The following PPAT variants were observed in gnomAD, a reference collection of about 807,000 sequenced individuals.
PPAT encodes phosphoribosyl pyrophosphate amidotransferase.
PPAT carries 20 observed loss-of-function variants against 60.2 expected under a neutral mutation model. That is an observed-to-expected ratio of 0.33 (90% CI 0.23 to 0.48). The LOEUF is 0.48. Ranked by LOEUF, PPAT falls within the 20% of genes least tolerant of loss-of-function variation. The pLI is 0.99. For missense variants in PPAT, 349 were observed against 629.6 expected (o/e 0.55, Z 4.77); for synonymous variants, 194 against 215.1 (o/e 0.90, Z 0.86).
chr4:56,408,753 CAAAAAA>C (rs35367469), intron 1 of PPAT, among the ~76,000 whole-genome samples: 29 of 132,928 alleles, frequency 2.2e-4, no homozygotes, highest in East Asian at 6.5e-4. Flanking sequence ...GATTCCGTTT[CAAAAAA>C]AAAAAAAAAA....
At chr4:56,407,161 G>A (rs1274222024) in intron 2 of PPAT, among the ~76,000 whole-genome samples, 6 of 152,062 alleles carry the variant, frequency 3.9e-5, no homozygotes, top group African/African-American at 1.2e-4. Context: ...GTATAACTGG[G>A]GAAGAAATAC....
chr4:56,417,842 G>GTTTTTTTT (rs35004501), intron 1 of PPAT, among the ~76,000 whole-genome samples: 2 of 136,166 alleles, frequency 1.5e-5, no homozygotes, highest in Admixed American at 7.2e-5. Flanking sequence ...TTGGTTTTTT[G>GTTTTTTTT]TTTTTTTTTT....
chr4:56,426,714 T>C (rs777132858), intron 1 of PPAT, among the ~76,000 whole-genome samples: 8 of 152,252 alleles, frequency 5.3e-5, no homozygotes, highest in Non-Finnish European at 1.0e-4. Flanking sequence ...CTGGCTCCTA[T>C]GAATACTGTT....
chr4:56,402,820 C>CA (rs556899549), intron 5 of PPAT, among the ~76,000 whole-genome samples: 2,475 of 43,478 alleles, frequency 0.057, 127 homozygotes, highest in Non-Finnish European at 0.062. Flanking sequence ...ACTCGGTCTC[C>CA]AAAAAAAAAA....
At chr4:56,401,197 T>C (rs964566544) in intron 7 of PPAT, 133 bp downstream of exon 7, 2 of 899,928 alleles carry the variant, frequency 2.2e-6, no homozygotes, top group Admixed American at 6.2e-5. Flanking sequence ...ACTTGTGGGC[T>C]CAGTCCTATA....
chr4:56,414,194 T>C (rs770129517), intron 1 of PPAT: 8 of 152,240 alleles, frequency 5.3e-5, no homozygotes, highest in Non-Finnish European at 1.2e-4. Context: ...TGATTCATTA[T>C]GTAATGTTTT....
chr4:56,434,751 G>A (rs944187378), intron 1 of PPAT, among the ~76,000 whole-genome samples: 10 of 152,044 alleles, frequency 6.6e-5, no homozygotes, highest in African/African-American at 2.4e-4. Flanking sequence ...ATTTATGTGA[G>A]ATCTACTACC....
rs1390351756 is a variant in PPAT, at chr4:56,396,582, G to A, written c.1357+37C>T. The A allele has an allele frequency of 6.4e-7, 1 of 1,560,276 alleles. No homozygotes were observed. The highest frequency in any genetic ancestry group is 1.7e-5 in the Admixed American group (1 of 58,058). On this transcript the variant is annotated intron_variant, in intron 10 of 10. Transcript: ENST00000264220. The surrounding 1 kb of genome is among the most constrained non-coding windows in gnomAD (Gnocchi z 4.6). Reference sequence around the variant, plus strand: ...GACTGTCAAGCTTTGGATTTTCTCTGTTAATAATCAAAGTTTATAGAAATT... The same window carrying A: ...GACTGTCAAGCTTTGGATTTTCTCTATTAATAATCAAAGTTTATAGAAATT...
At chr4:56,407,627 C>T (rs963690947) in intron 2 of PPAT, 23 bp downstream of exon 2, 1 of 1,573,316 alleles carries the variant, frequency 6.4e-7, no homozygotes, top group Non-Finnish European at 8.8e-7. Flanking sequence ...CTGTCATCAA[C>T]ATTTCTTAAA....
intron 1 of PPAT, among the ~76,000 whole-genome samples, chr4:56,418,269 C>T (rs1262587788): frequency 6.6e-6 from 1 of 152,172 alleles, no homozygotes; most frequent in African/African-American, 2.4e-5. Context: ...CTCCACTACA[C>T]TCTAGCTTGG....
intron 3 of PPAT, among the ~76,000 whole-genome samples, chr4:56,406,031 A>G (rs1354686287): frequency 1.3e-5 from 2 of 152,188 alleles, no homozygotes; most frequent in Admixed American, 6.5e-5. Context: ...ATACAATTGA[A>G]TTATAGGATA....
intron 1 of PPAT, among the ~76,000 whole-genome samples, chr4:56,425,024 G>A (rs1421610791): frequency 1.3e-5 from 2 of 152,134 alleles, no homozygotes; most frequent in African/African-American, 4.8e-5. Context: ...ATACCTCAAT[G>A]TTCATCTAAG....
intron 1 of PPAT, among the ~76,000 whole-genome samples, chr4:56,412,855 C>T (rs1716532235): frequency 6.6e-6 from 1 of 152,132 alleles, no homozygotes; most frequent in African/African-American, 2.4e-5. Flanking sequence ...TTCCACAATA[C>T]CACTAGTTGT....
In PPAT at chr4:56,398,651, T is replaced by C. The variant is rs111303687; in HGVS notation, c.1236+528A>G. On this transcript the variant is annotated intron_variant, in intron 9 of 10. Coordinates refer to ENST00000264220, the MANE Select transcript of PPAT (RefSeq NM_002703.5). ...ATTTTAGGAGAGGTGAGTTTCACTA[T>C]GTCGTCCAGGCTGGTCTTGAACTCC... Among the ~76,000 whole-genome samples the C allele has an allele frequency of 6.6e-3, 1,000 of 151,988 alleles. 6 individuals carry two copies. Among genetic ancestry groups the C allele is most frequent in the South Asian group, 0.017 (80 of 4,814 alleles).
intron 1 of PPAT, among the ~76,000 whole-genome samples, chr4:56,430,639 A>G (rs1179042125): frequency 6.6e-6 from 1 of 150,886 alleles, no homozygotes. Context: ...GTATTTTTCT[A>G]TGTCTGGATA....
At chr4:56,417,998 C>G (rs1716857415) in intron 1 of PPAT, among the ~76,000 whole-genome samples, 1 of 151,874 alleles carries the variant, frequency 6.6e-6, no homozygotes, top group Non-Finnish European at 1.5e-5. Context: ...CACCACACAC[C>G]CAACTAATTT....
intron 1 of PPAT, among the ~76,000 whole-genome samples, chr4:56,432,983 T>C (rs200807284): frequency 0.022 from 3,212 of 147,822 alleles, 91 homozygotes; most frequent in African/African-American, 0.077. Context: ...CATATATACA[T>C]ACACACACGT....
intron 1 of PPAT, among the ~76,000 whole-genome samples, chr4:56,432,472 G>T (rs1717637863): frequency 6.9e-6 from 1 of 145,126 alleles, no homozygotes; most frequent in Non-Finnish European, 1.5e-5. Flanking sequence ...GTTGCAATGA[G>T]CCCAGATCAT....
intron 1 of PPAT, chr4:56,408,025 T>C (rs1716291409): frequency 3.8e-6 from 1 of 261,430 alleles, no homozygotes; most frequent in East Asian, 7.2e-5. Flanking sequence ...ACTTTAGGCC[T>C]TGAGAGAGAT....
Sources: allele counts gnomAD v4.1 joint callset (sites outside exome capture counted in the v4.1 genomes callset), GRCh38; gene constraint gnomAD v4.1.1; non-coding constraint Gnocchi (gnomAD v3.1); transcripts MANE v1.5; gene names NCBI Gene and HGNC (gene_info 2026-07-23, HGNC 2026-07-21).